Variants in RAPGEF6 observed in about 807,000 individuals in gnomAD.
The protein encoded by RAPGEF6 is Rap guanine nucleotide exchange factor 6.
Under a neutral mutation model 171.4 loss-of-function variants are expected in RAPGEF6, and 56 were observed. The ratio of observed to expected loss-of-function variants is 0.33; its 90% CI spans 0.26 to 0.41. The LOEUF (loss-of-function observed/expected upper bound fraction) is 0.41, where lower values mean the gene tolerates loss of function less well. Among genes scored for constraint, RAPGEF6 ranks in the 10% least tolerant of loss-of-function variants. The pLI is 1.00. For synonymous variants in RAPGEF6, 692 were observed against 650.1 expected (o/e 1.06, Z -0.98); for missense variants, 1,674 against 1,921.4 (o/e 0.87, Z 2.41).
chr5:131,564,879 A>AGTAATGTT (rs1242486636), intron 4 of RAPGEF6, among the ~76,000 whole-genome samples: 1 of 152,208 alleles, frequency 6.6e-6, no homozygotes, highest in Non-Finnish European at 1.5e-5. Context: ...TCCATTTATC[A>AGTAATGTT]GTAATGTTAA....
chr5:131,549,148 C>A (rs1760746320), intron 5 of RAPGEF6, among the ~76,000 whole-genome samples: 2 of 152,152 alleles, frequency 1.3e-5, no homozygotes, highest in South Asian at 4.1e-4. Context: ...TGATACAAGA[C>A]TGCACTGCCT....
At chr5:131,591,504 C>T (rs1002230231) in intron 4 of RAPGEF6, among the ~76,000 whole-genome samples, 1 of 152,054 alleles carries the variant, frequency 6.6e-6, no homozygotes, top group Non-Finnish European at 1.5e-5. Context: ...TACAAATGAG[C>T]AAAGTAAGGC....
In RAPGEF6 at chr5:131,446,492, A is replaced by G; in HGVS notation, c.3412T>C (p.Tyr1138His). The change falls in exon 22 of 28, where the codon TAT becomes CAT. Residue 1138 changes from tyrosine (Y) to histidine (H), a missense_variant. Physicochemically the swap from Tyr to His is moderately conservative, Grantham distance 83 (BLOSUM62 2). This residue lies in a region of RAPGEF6 where 552 missense variants were observed against 574.2 expected (regional missense o/e 0.96). Transcript: ENST00000509018. ...QMMSLQWEPA[Y>H]GTLTKNLSEK... ...GAAAACTTGTACTCACAGGTACCAT[A>G]TGCAGGCTCCCACTGTAATGACATC... The G allele has an allele frequency of 5.6e-6, 9 of 1,613,780 alleles. No individual in the cohort carries two copies. Among genetic ancestry groups the G allele is most frequent in the Non-Finnish European group, 7.6e-6 (9 of 1,179,768 alleles).
intron 21 of RAPGEF6, among the ~76,000 whole-genome samples, chr5:131,450,286 AT>A (rs1285593397): frequency 6.6e-6 from 1 of 152,218 alleles, no homozygotes; most frequent in East Asian, 1.9e-4. Flanking sequence ...TAGACCAATT[AT>A]ATTTTAAATA....
intron 16 of RAPGEF6, chr5:131,472,996 T>C (rs1754853677): frequency 2.4e-6 from 1 of 419,114 alleles, no homozygotes; most frequent in Admixed American, 4.0e-5. Context: ...AATTGTCTTA[T>C]TTAGTGTCTA....
chr5:131,479,447 C>G (rs1305920526), intron 16 of RAPGEF6, 66 bp downstream of exon 16: 38 of 1,567,620 alleles, frequency 2.4e-5, no homozygotes, highest in Admixed American at 1.6e-4. Context: ...AGCCTCCCCC[C>G]ACCCCAAATA....
At chr5:131,545,648 C>T (rs748400076) in intron 6 of RAPGEF6, among the ~76,000 whole-genome samples, 4 of 152,186 alleles carry the variant, frequency 2.6e-5, no homozygotes, top group Admixed American at 6.5e-5. Flanking sequence ...ACAGGTGTTA[C>T]ATAATTGGTA....
chr5:131,462,870 GAA>G (rs1289101632), intron 18 of RAPGEF6, among the ~76,000 whole-genome samples: 1 of 142,886 alleles, frequency 7.0e-6, no homozygotes, highest in Non-Finnish European at 1.5e-5. Flanking sequence ...TTACTGTCAA[GAA>G]ACTCTTTTTT....
intron 6 of RAPGEF6, among the ~76,000 whole-genome samples, chr5:131,525,433 T>A: frequency 6.6e-6 from 1 of 152,182 alleles, no homozygotes; most frequent in Middle Eastern, 3.4e-3. Flanking sequence ...ATCCATGAAG[T>A]CACATTGGAA....
chr5:131,433,481 T>A lies in RAPGEF6; in HGVS notation c.3923A>T (p.Glu1308Val). 6.2e-7 allele frequency: 1 copy of A among 1,613,998 alleles called. No individual in the cohort carries two copies. The highest frequency in any genetic ancestry group is 8.5e-7 in the Non-Finnish European group (1 of 1,179,892). The change falls in exon 25 of 28, where the codon GAA (glutamate) becomes GTA (valine). Residue 1308 changes from glutamate to valine, a missense_variant. By Grantham distance (121) the Glu-to-Val change is moderately radical. Coordinates refer to ENST00000509018, the MANE Select transcript of RAPGEF6 (RefSeq NM_016340.6). ...LAVPESTGAL[E>V]KTEHASGIGD... ...TATCCCTGAAGCGTGCTCTGTCTTT[T>A]CCAATGCCCCAGTGGATTCAGGGAC...
At chr5:131,445,968 T>A (rs1554070922) in intron 22 of RAPGEF6, among the ~76,000 whole-genome samples, 1 of 152,070 alleles carries the variant, frequency 6.6e-6, no homozygotes, top group Non-Finnish European at 1.5e-5. Flanking sequence ...TGTATTTAAT[T>A]AAAAAAAATC....
intron 19 of RAPGEF6, among the ~76,000 whole-genome samples, chr5:131,459,964 A>G (rs1753799665): frequency 6.6e-6 from 1 of 152,184 alleles, no homozygotes; most frequent in Non-Finnish European, 1.5e-5. Flanking sequence ...AAAGTTGTTA[A>G]TTATAGCCAG....
intron 6 of RAPGEF6, among the ~76,000 whole-genome samples, chr5:131,547,412 C>G (rs888206269): frequency 3.3e-5 from 5 of 152,022 alleles, no homozygotes; most frequent in Admixed American, 6.6e-5. Flanking sequence ...CAAAAATACA[C>G]CTGATTTTTT....
At chr5:131,517,565 G>GGGCCGGGCGCGGTGGCGGGCGC (rs757711118) in intron 7 of RAPGEF6, among the ~76,000 whole-genome samples, 1 of 139,748 alleles carries the variant, frequency 7.2e-6, no homozygotes, top group Non-Finnish European at 1.6e-5. Context: ...TCTCTCAAAT[G>GGGCCGGGCGCGGTGGCGGGCGC]CTAAAATTCA....
intron 11 of RAPGEF6, among the ~76,000 whole-genome samples, chr5:131,502,822 G>A (rs181337478): frequency 3.0e-4 from 45 of 152,226 alleles, no homozygotes; most frequent in Admixed American, 2.4e-3. Context: ...TTTTTGAGAC[G>A]GAGTCTCACT....
At chr5:131,568,268 C>T (rs566670241) in intron 4 of RAPGEF6, among the ~76,000 whole-genome samples, 62 of 151,838 alleles carry the variant, frequency 4.1e-4, no homozygotes, top group Non-Finnish European at 7.5e-4. Context: ...ACTATCATTT[C>T]TGTCAAATAT....
chr5:131,512,744 C>A (rs1208002814), intron 7 of RAPGEF6, among the ~76,000 whole-genome samples: 1 of 151,968 alleles, frequency 6.6e-6, no homozygotes, highest in Admixed American at 6.6e-5. Flanking sequence ...TGAAGTGGGG[C>A]CTTTGGGAAG....
chr5:131,566,142 G>C (rs1312102060), intron 4 of RAPGEF6, among the ~76,000 whole-genome samples: 1 of 148,942 alleles, frequency 6.7e-6, no homozygotes, highest in Non-Finnish European at 1.5e-5. Flanking sequence ...ATGAGACTCT[G>C]TCTCAATAAA....
chr5:131,552,486 G>A (rs1045091805), intron 5 of RAPGEF6, among the ~76,000 whole-genome samples: 2 of 148,482 alleles, frequency 1.3e-5, no homozygotes, highest in Admixed American at 6.7e-5. Context: ...TTGAGATGGC[G>A]TTTTTCTTGT....
Sources: allele counts gnomAD v4.1 joint callset (sites outside exome capture counted in the v4.1 genomes callset), GRCh38; gene constraint gnomAD v4.1.1; regional missense constraint gnomAD v4.1.1; transcripts MANE v1.5; gene names NCBI Gene and HGNC (gene_info 2026-07-23, HGNC 2026-07-21).